ZNRF2: variants seen among roughly 807,000 people sequenced by gnomAD.
The protein encoded by ZNRF2 is E3 ubiquitin-protein ligase ZNRF2.
A neutral mutation model predicts 20.4 loss-of-function variants in ZNRF2; 16 were observed. The observed-to-expected ratio is 0.79, with a 90% confidence interval of 0.53 to 1.19. The LOEUF is 1.19. ZNRF2 is among the 50% of genes most tolerant of loss of function. ZNRF2 has a pLI of 0.00. For missense variants in ZNRF2, 363 were observed against 332.4 expected, an observed-to-expected ratio of 1.09 and a Z score of -0.72; for synonymous variants, 178 against 144.9, an observed-to-expected ratio of 1.23 and a Z score of -1.64.
In ZNRF2 at chr7:30,285,756, C is replaced by A; in HGVS notation, c.399C>A (p.Gly133=). 6.8e-7 allele frequency: 1 copy of A among 1,480,596 alleles called. No homozygotes were observed. The highest frequency in any genetic ancestry group is 8.9e-7 in the Non-Finnish European group (1 of 1,122,284). The allele number at this position is 1,480,596 out of a possible 1,614,324, so 91.7% of individuals were successfully genotyped here. A position where few individuals can be genotyped will look rare whatever the true frequency, so the allele number is the denominator to read the frequency against. ...DGGGGRDRPV[G]GSPGGPRLVI... ...GCGGCGGCCGGGACCGGCCGGTGGGCGGGAGCCCCGGCGGGCCGCGCCTGG... is the reference window on the plus strand; with the variant it reads ...GCGGCGGCCGGGACCGGCCGGTGGGAGGGAGCCCCGGCGGGCCGCGCCTGG... The change falls in exon 1 of 5, where the codon GGC becomes GGA. Residue 133 remains glycine (G), a synonymous_variant. Transcript: ENST00000323037.
At chr7:30,316,450 G>C (rs943817949) in intron 1 of ZNRF2, among the ~76,000 whole-genome samples, 1 of 151,990 alleles carries the variant, frequency 6.6e-6, no homozygotes, top group African/African-American at 2.4e-5. Flanking sequence ...ATGTTTTATA[G>C]GTTCATCAAG....
At chr7:30,343,911 CTTTTTTT>C (rs34643391) in intron 2 of ZNRF2, among the ~76,000 whole-genome samples, 1 of 81,514 alleles carries the variant, frequency 1.2e-5, no homozygotes, top group African/African-American at 4.8e-5. Context: ...GGGTGGCCAG[CTTTTTTT>C]TTTTTTTTTT....
chr7:30,355,477 A>G (rs1800022111), intron 2 of ZNRF2, among the ~76,000 whole-genome samples: 1 of 152,132 alleles, frequency 6.6e-6, no homozygotes, highest in South Asian at 2.1e-4. Context: ...GTGATTCTGT[A>G]CTGTTTTTGC....
chr7:30,348,719 GAAACCAAGACC>G (rs1306375548), intron 2 of ZNRF2, among the ~76,000 whole-genome samples: 1 of 152,074 alleles, frequency 6.6e-6, no homozygotes, highest in African/African-American at 2.4e-5. Context: ...AAAAATCCCT[GAAACCAAGACC>G]AAATTCAACA....
At chr7:30,324,270 A>G (rs1041141696) in intron 2 of ZNRF2, among the ~76,000 whole-genome samples, 2 of 152,074 alleles carry the variant, frequency 1.3e-5, no homozygotes, top group East Asian at 1.9e-4. Context: ...ACAGTGGCTC[A>G]CACCTGTAAT....
chr7:30,308,408 T>G (rs1443187696), intron 1 of ZNRF2, among the ~76,000 whole-genome samples: 1 of 152,216 alleles, frequency 6.6e-6, no homozygotes, highest in African/African-American at 2.4e-5. Context: ...CAGATTTCTT[T>G]AGGACAGTAT....
intron 1 of ZNRF2, among the ~76,000 whole-genome samples, chr7:30,286,920 T>C (rs1798800981): frequency 6.6e-6 from 1 of 152,224 alleles, no homozygotes; most frequent in African/African-American, 2.4e-5. Context: ...GGAGACTTAG[T>C]AAAGTGGAAT....
At chr7:30,305,918 A>G (rs1208786228) in intron 1 of ZNRF2, among the ~76,000 whole-genome samples, 1 of 152,202 alleles carries the variant, frequency 6.6e-6, no homozygotes. Context: ...AGATTGAAAC[A>G]TTGAAAACAT....
At chr7:30,362,905 C>T (rs1800150877) in intron 4 of ZNRF2, among the ~76,000 whole-genome samples, 1 of 152,140 alleles carries the variant, frequency 6.6e-6, no homozygotes, top group South Asian at 2.1e-4. Context: ...GTCACGAGGT[C>T]AGGAGATTGA....
At chr7:30,308,585 T>C (rs535757162) in intron 1 of ZNRF2, among the ~76,000 whole-genome samples, 4 of 152,288 alleles carry the variant, frequency 2.6e-5, no homozygotes, top group African/African-American at 7.2e-5. Flanking sequence ...CATTAAAATT[T>C]GAGAACCACT....
intron 2 of ZNRF2, among the ~76,000 whole-genome samples, chr7:30,338,447 C>T (rs1223821426): frequency 6.9e-6 from 1 of 143,916 alleles, no homozygotes; most frequent in Non-Finnish European, 1.5e-5. Flanking sequence ...CCCAACAGGC[C>T]CCAGTGTGTG....
At chr7:30,318,603 C>T (rs916126644) in intron 1 of ZNRF2, among the ~76,000 whole-genome samples, 1 of 152,144 alleles carries the variant, frequency 6.6e-6, no homozygotes, top group African/African-American at 2.4e-5. Context: ...GGATCAGTCC[C>T]TTTTTGTTTG....
At chr7:30,319,942 T>C (rs1799440636) in intron 1 of ZNRF2, among the ~76,000 whole-genome samples, 1 of 152,232 alleles carries the variant, frequency 6.6e-6, no homozygotes, top group Admixed American at 6.5e-5. Flanking sequence ...ACATTTGTAA[T>C]ATTTAGTACT....
chr7:30,359,846 G>A (rs563798047), intron 3 of ZNRF2, among the ~76,000 whole-genome samples: 1 of 152,260 alleles, frequency 6.6e-6, no homozygotes, highest in East Asian at 1.9e-4. Flanking sequence ...TGAGTAGTCT[G>A]CCTTTAACCT....
At chr7:30,297,032 A>G (rs144421405) in intron 1 of ZNRF2, among the ~76,000 whole-genome samples, 2,321 of 152,290 alleles carry the variant, frequency 0.015, 22 homozygotes, top group Non-Finnish European at 0.021. Flanking sequence ...TACAGAATCT[A>G]ATTAGCTTTT....
intron 3 of ZNRF2, among the ~76,000 whole-genome samples, chr7:30,359,836 TGAG>T (rs1264505223): frequency 6.6e-6 from 1 of 152,224 alleles, no homozygotes; most frequent in East Asian, 1.9e-4. Context: ...CTGTGTTATT[TGAG>T]TAGTCTGCCT....
At chr7:30,290,975 T>C (rs1176923438) in intron 1 of ZNRF2, among the ~76,000 whole-genome samples, 1 of 152,234 alleles carries the variant, frequency 6.6e-6, no homozygotes, top group Non-Finnish European at 1.5e-5. Context: ...GTGATCATTA[T>C]ACAATGCAAC....
At chr7:30,318,358 T>A (rs1799410502) in intron 1 of ZNRF2, among the ~76,000 whole-genome samples, 4 of 152,168 alleles carry the variant, frequency 2.6e-5, no homozygotes, top group Admixed American at 2.6e-4. Flanking sequence ...GCTGGTGTCT[T>A]TATTTTGTTT....
At position 30,366,651 on chromosome 7, in the gene ZNRF2, A is replaced by T. The variant is rs965895661; in HGVS notation, c.*639A>T. ...CTACATAGGAAAGCTAAAATATGTT[A>T]ATATTTTTAAATTAAAGGTTTAATA... On this transcript the variant is annotated 3_prime_UTR_variant, in exon 5 of 5. Coordinates refer to ENST00000323037, the MANE Select transcript of ZNRF2 (RefSeq NM_147128.4). The T allele has an allele frequency of 1.3e-5, 2 of 152,584 alleles. No individual in the cohort carries two copies. 9.5% of individuals were successfully genotyped at this position (152,584 alleles called of 1,614,324 possible).
Sources: allele counts gnomAD v4.1 joint callset (sites outside exome capture counted in the v4.1 genomes callset), GRCh38; gene constraint gnomAD v4.1.1; transcripts MANE v1.5; gene names NCBI Gene and HGNC (gene_info 2026-07-23, HGNC 2026-07-21).